Variants in ARL15 observed in about 807,000 individuals in gnomAD.
The protein encoded by ARL15 is ARF like GTPase 15.
A neutral mutation model predicts 25.2 loss-of-function variants in ARL15; 19 were observed. The ratio of observed to expected loss-of-function variants is 0.75; its 90% CI spans 0.53 to 1.10. The LOEUF is 1.10. Ranked by LOEUF, ARL15 falls within the 50% of genes least tolerant of loss-of-function variation. ARL15 has a pLI of 0.00. For synonymous variants in ARL15, 94 were observed against 86.8 expected (o/e 1.08, Z -0.46); for missense variants, 220 against 246.0 (o/e 0.89, Z 0.71).
intron 4 of ARL15, among the ~76,000 whole-genome samples, chr5:53,998,218 C>T (rs1326992015): frequency 6.6e-6 from 1 of 151,112 alleles, no homozygotes; most frequent in Admixed American, 6.6e-5. Flanking sequence ...CTATTTCTCT[C>T]GCTTTTCCCA....
chr5:54,114,138 C>G (rs116717118), intron 3 of ARL15, among the ~76,000 whole-genome samples: 1,748 of 152,106 alleles, frequency 0.011, 23 homozygotes, highest in Middle Eastern at 0.041. Context: ...TGGTTCACAC[C>G]TGTAATCTCA....
intron 1 of ARL15, among the ~76,000 whole-genome samples, chr5:54,281,480 T>G (rs2112668424): frequency 6.6e-6 from 1 of 152,324 alleles, no homozygotes; most frequent in South Asian, 2.1e-4. Context: ...GAACAGTTTC[T>G]CAACCTCACG....
At chr5:54,070,740 G>A (rs1353792413) in intron 4 of ARL15, among the ~76,000 whole-genome samples, 1 of 152,034 alleles carries the variant, frequency 6.6e-6, no homozygotes, top group Non-Finnish European at 1.5e-5. Context: ...AGCTACTTGG[G>A]AGGCTGAGGT....
chr5:53,942,371 A>G (rs1746564671), intron 4 of ARL15, among the ~76,000 whole-genome samples: 1 of 152,172 alleles, frequency 6.6e-6, no homozygotes, highest in African/African-American at 2.4e-5. Flanking sequence ...GCACAGGAAT[A>G]ATCTAGAAAT....
chr5:54,077,805 T>G (rs1167303460), intron 4 of ARL15, among the ~76,000 whole-genome samples: 1 of 152,154 alleles, frequency 6.6e-6, no homozygotes, highest in East Asian at 1.9e-4. Flanking sequence ...CAGGAAAGGG[T>G]AGGTATGTAA....
chr5:54,026,605 C>T (rs977810685), intron 4 of ARL15, among the ~76,000 whole-genome samples: 4 of 152,206 alleles, frequency 2.6e-5, no homozygotes, highest in Admixed American at 2.0e-4. Context: ...GTCGAACATT[C>T]AAGAGAGCCA....
At chr5:54,290,901 C>T (rs144700837) in intron 1 of ARL15, among the ~76,000 whole-genome samples, 450 of 152,200 alleles carry the variant, frequency 3.0e-3, no homozygotes, top group Non-Finnish European at 4.8e-3. Flanking sequence ...TAAGCCACTT[C>T]TTTGGGCATG....
chr5:54,166,035 T>C (rs918172550), intron 2 of ARL15, among the ~76,000 whole-genome samples: 1 of 152,132 alleles, frequency 6.6e-6, no homozygotes, highest in Non-Finnish European at 1.5e-5. Context: ...AAACTACCCT[T>C]ATAGAAATAT....
Position 54,226,997 on chromosome 5 carries a change from G to T in ARL15, c.49-55069C>A, listed in dbSNP as rs747735377. The stretch of plus-strand genomic sequence containing the variant: ...GTCTCTCAATTCTCTCTTGCCTGCC[G>T]CTATGTAAGACATCCCTTGCTTTTC... On this transcript the variant is annotated intron_variant, in intron 1 of 4. Transcript: ENST00000504924. Among the ~76,000 whole-genome samples, 8 of 152,204 alleles carry T rather than the reference G, an allele frequency of 5.3e-5. No homozygotes were observed. The East Asian group carries it at 9.7e-4, about 18-fold the overall frequency.
chr5:54,145,619 T>C (rs531234436), intron 3 of ARL15, among the ~76,000 whole-genome samples: 2 of 152,194 alleles, frequency 1.3e-5, no homozygotes, highest in East Asian at 3.9e-4. Context: ...GGTGTGTGTG[T>C]GTGTGTGCGT....
chr5:54,047,430 G>T (rs1750556926), intron 4 of ARL15, among the ~76,000 whole-genome samples: 1 of 152,184 alleles, frequency 6.6e-6, no homozygotes, highest in Non-Finnish European at 1.5e-5. Context: ...CATGGTGGAT[G>T]TGGGGCTGGG....
At chr5:54,136,730 A>G (rs1246300339) in intron 3 of ARL15, among the ~76,000 whole-genome samples, 2 of 152,204 alleles carry the variant, frequency 1.3e-5, no homozygotes, top group African/African-American at 4.8e-5. Context: ...CAACGAACAC[A>G]TCATAAAAAA....
At chr5:54,148,112 G>A (rs1003535127) in intron 3 of ARL15, among the ~76,000 whole-genome samples, 1 of 152,138 alleles carries the variant, frequency 6.6e-6, no homozygotes, top group Non-Finnish European at 1.5e-5. Context: ...CTTTATTTTG[G>A]TGAAAGACAT....
chr5:53,926,957 A>T (rs1028806056), intron 4 of ARL15, among the ~76,000 whole-genome samples: 2 of 151,930 alleles, frequency 1.3e-5, no homozygotes, highest in African/African-American at 4.8e-5. Context: ...TTTAAAAAAA[A>T]AAAATAAAGT....
chr5:54,272,683 T>A (rs1308505711), intron 1 of ARL15, among the ~76,000 whole-genome samples: 2 of 152,238 alleles, frequency 1.3e-5, no homozygotes, highest in African/African-American at 4.8e-5. Context: ...TAAAGGATGA[T>A]CCTCATGTAG....
At position 54,296,181 on chromosome 5, in the gene ARL15, G is replaced by C. The variant is rs1758461667; in HGVS notation, c.48+14251C>G. 3.9e-5 allele frequency among the ~76,000 whole-genome samples: 6 copies of C among 152,180 alleles called. No homozygotes were observed. The South Asian group carries it at 1.2e-3, about 32-fold the overall frequency. On this transcript the variant is annotated intron_variant, in intron 1 of 4. Coordinates refer to ENST00000504924, the MANE Select transcript of ARL15 (RefSeq NM_019087.3). ...CAGTTACCCTACACTATGCGTATTA[G>C]GCAGAGGCAGGGAGATTTTTGGAAG... is the stretch of plus-strand genomic sequence containing the variant.
At chr5:54,079,391 G>A (rs1457004201) in intron 4 of ARL15, among the ~76,000 whole-genome samples, 1 of 152,076 alleles carries the variant, frequency 6.6e-6, no homozygotes, top group African/African-American at 2.4e-5. Flanking sequence ...AGCAAATAGG[G>A]CCCAATATTA....
intron 4 of ARL15, among the ~76,000 whole-genome samples, chr5:53,958,555 A>T (rs1382822153): frequency 6.6e-6 from 1 of 152,226 alleles, no homozygotes; most frequent in East Asian, 1.9e-4. Flanking sequence ...CAAAAAGGTT[A>T]AGATTCTTGT....
rs567558190 is a variant in ARL15 at position 54,157,512 on chromosome 5, C to T, written c.194-2873G>A. ...CTGCAACCTCCATCTCCCGGGTTCA[C>T]GCCATTCTCCTGCCTCAGCCTCCTG... On this transcript the variant is annotated intron_variant, in intron 2 of 4. Coordinates refer to ENST00000504924, the MANE Select transcript of ARL15 (RefSeq NM_019087.3). Among the ~76,000 whole-genome samples the T allele has an allele frequency of 1.2e-4, 19 of 152,144 alleles. No individual in the cohort carries two copies. The East Asian group carries it at 2.3e-3, about 19-fold the overall frequency.
Sources: gnomAD v4.1 joint callset for allele counts (sites outside exome capture counted in the v4.1 genomes callset) on GRCh38, gnomAD v4.1.1 for gene constraint, MANE v1.5 for transcripts, NCBI Gene and HGNC (gene_info 2026-07-23, HGNC 2026-07-21) for gene names.